Variants in TMC2 observed in about 807,000 individuals in gnomAD.
TMC2 encodes the protein transmembrane channel-like protein 2.
Under a neutral mutation model 105.9 loss-of-function variants are expected in TMC2, and 102 were observed. The observed-to-expected ratio is 0.96, with a 90% CI of 0.82 to 1.14. The LOEUF is 1.14. Ranked by LOEUF, TMC2 falls within the 50% of genes most tolerant of loss-of-function variation. The pLI is 0.00. For missense variants in TMC2, 1,093 were observed against 1,134.3 expected (o/e 0.96, Z 0.52); for synonymous variants, 402 against 422.8 (o/e 0.95, Z 0.60).
At chr20:2,561,812 C>A in intron 3 of TMC2, 46 bp from the exon 4 acceptor site, 1 of 1,590,108 alleles carries the variant, frequency 6.3e-7, no homozygotes, top group East Asian at 2.2e-5. Context: ...GAGGACACCA[C>A]CTCCTTTCCA....
At chr20:2,615,301 A>G (rs1321018834) in intron 14 of TMC2, among the ~76,000 whole-genome samples, 1 of 152,248 alleles carries the variant, frequency 6.6e-6, no homozygotes, top group Non-Finnish European at 1.5e-5. Context: ...AGCCTGGGCA[A>G]CAGAGCGAGA....
intron 6 of TMC2, 29 bp from the exon 7 acceptor site, chr20:2,579,921 C>T (rs773586054): frequency 6.6e-7 from 1 of 1,524,832 alleles, no homozygotes; most frequent in South Asian, 1.1e-5. Flanking sequence ...TTCTGCAGCA[C>T]TCATACCCAC....
intron 4 of TMC2, among the ~76,000 whole-genome samples, chr20:2,569,209 C>T (rs879268978): frequency 2.7e-4 from 41 of 152,336 alleles, no homozygotes; most frequent in Admixed American, 4.6e-4. Flanking sequence ...AGTTTAACAA[C>T]TGGTTGGCCA....
intron 2 of TMC2, among the ~76,000 whole-genome samples, chr20:2,543,666 A>G (rs892945836): frequency 7.2e-5 from 11 of 152,210 alleles, no homozygotes; most frequent in African/African-American, 2.7e-4. Context: ...AAGTCATCTT[A>G]ATACAGACAC....
intron 2 of TMC2, among the ~76,000 whole-genome samples, chr20:2,547,345 A>G (rs6138368): frequency 0.29 from 43,736 of 152,086 alleles, 7,041 homozygotes; most frequent in Admixed American, 0.4. Context: ...GCAGAGCACC[A>G]CCAGGACTCT....
chr20:2,539,353 C>A (rs1423465790), intron 2 of TMC2, among the ~76,000 whole-genome samples: 1 of 152,128 alleles, frequency 6.6e-6, no homozygotes, highest in Non-Finnish European at 1.5e-5. Context: ...GAATTTCGTT[C>A]AGTTGGAGAA....
At chr20:2,622,721 A>G (rs2086534475) in intron 16 of TMC2, among the ~76,000 whole-genome samples, 1 of 152,042 alleles carries the variant, frequency 6.6e-6, no homozygotes, top group African/African-American at 2.4e-5. Context: ...AAGAAAAAGA[A>G]AACAGGTAAC....
Position 2,624,356 on chromosome 20 carries a change from G to C in TMC2, c.2266G>C (p.Ala756Pro). ...TFLGKIFAFLANPGLIIPAIL... is the reference protein window; with the variant it reads ...TFLGKIFAFLPNPGLIIPAIL... Reference sequence around the variant, plus strand: ...CCTGGGCAAGATCTTTGCTTTCCTCGCCAATCCAGGCCTGATCATCCCAGC... The same window carrying C: ...CCTGGGCAAGATCTTTGCTTTCCTCCCCAATCCAGGCCTGATCATCCCAGC... Residue 756 changes from alanine to proline, a missense_variant, in exon 17 of 20, where the codon GCC becomes CCC. Ala to Pro is a conservative substitution (Grantham distance 27). Transcript: ENST00000358864. The C allele has an allele frequency of 6.2e-7, 1 of 1,613,952 alleles. No individual in the cohort carries two copies. The highest frequency in any genetic ancestry group is 8.5e-7 in the Non-Finnish European group (1 of 1,179,968).
chr20:2,614,646 CAT>C (rs1273279285), intron 14 of TMC2, among the ~76,000 whole-genome samples: 2 of 151,996 alleles, frequency 1.3e-5, no homozygotes, highest in South Asian at 2.1e-4. Context: ...AATACTAAAA[CAT>C]ATGATAAAGC....
rs78839207 is a variant in TMC2 at position 2,641,421 on chromosome 20, C to A, written c.*70C>A. On this transcript the variant is annotated 3_prime_UTR_variant, in exon 20 of 20. Transcript: ENST00000358864. ...GTACCCCAGTTTCACACATACCAAA[C>A]CAAGGTTCTCTCCCCTCTTTCCTCT... The A allele has an allele frequency of 2.6e-3, 2,419 of 926,690 alleles. 41 individuals are homozygous for A. In the African/African-American group the frequency reaches 0.036, roughly 14 times the overall value. 57.4% of individuals were successfully genotyped at this position (926,690 alleles called of 1,614,324 possible). A position where few individuals can be genotyped will look rare whatever the true frequency, so the allele number is the denominator to read the frequency against.
Position 2,612,335 on chromosome 20 carries a change from G to T in TMC2, c.1738G>T (p.Gly580Cys). ...GGGTTCTTGCTGGGAGACAGCTGTG[G>T]GCATTGTGAGTAGTTACACTCTCTA... ...PRGSCWETAV[G>C]IEFMRLTVSD... The change falls in exon 13 of 20, where the codon GGC becomes TGC. Residue 580 changes from glycine to cysteine, a missense_variant. By Grantham distance (159) the Gly-to-Cys change is radical. Transcript: ENST00000358864. The T allele has an allele frequency of 6.4e-7, 1 of 1,570,602 alleles. No individual in the cohort carries two copies. The highest frequency in any genetic ancestry group is 8.7e-7 in the Non-Finnish European group (1 of 1,150,870).
chr20:2,628,739 A>C (rs4571132), intron 17 of TMC2, among the ~76,000 whole-genome samples: 4 of 152,092 alleles, frequency 2.6e-5, no homozygotes, highest in African/African-American at 9.7e-5. Context: ...CATGCTGAAC[A>C]GTGAGTCAAT....
chr20:2,641,174 C>T lies in TMC2; in HGVS notation c.2544C>T (p.Asp848=), dbSNP rs778703223. 1.2e-6 allele frequency: 2 copies of T among 1,613,922 alleles called. No homozygotes were observed. Among genetic ancestry groups the T allele is most frequent in the African/African-American group, 1.3e-5 (1 of 74,786 alleles). Residue 848 remains aspartate, a synonymous_variant, in exon 20 of 20, where the codon GAC becomes GAT. Coordinates refer to ENST00000358864, the MANE Select transcript of TMC2 (RefSeq NM_080751.3). ...PPSASQSQAM[D]KKAQGPGTSN... is the part of the protein sequence containing the mutation. ...CTGCCAGCCAAAGCCAGGCCATGGA[C>T]AAGAAGGCGCAGGGCCCTGGGACCT...
At chr20:2,543,903 G>GA (rs3051735) in intron 2 of TMC2, among the ~76,000 whole-genome samples, 21,014 of 144,074 alleles carry the variant, frequency 0.15, 2,013 homozygotes, top group African/African-American at 0.24. Context: ...CTGCATGTCA[G>GA]TTTTTTTTTT....
At chr20:2,595,626 C>T (rs11698357) in intron 9 of TMC2, among the ~76,000 whole-genome samples, 36,777 of 152,080 alleles carry the variant, frequency 0.24, 4,653 homozygotes, top group Middle Eastern at 0.33. Flanking sequence ...ATGGATTGAT[C>T]GCCTTCTTCA....
chr20:2,613,661 G>C (rs1222663597), intron 14 of TMC2: 1 of 334,840 alleles, frequency 3.0e-6, no homozygotes, highest in African/African-American at 2.2e-5. Context: ...TATGGGGGCT[G>C]AAATCTGACA....
At chr20:2,603,889 G>T (rs1240278767) in intron 11 of TMC2, among the ~76,000 whole-genome samples, 1 of 151,840 alleles carries the variant, frequency 6.6e-6, no homozygotes, top group Admixed American at 6.5e-5. Flanking sequence ...GCCTTGATGT[G>T]CTGACTCTGT....
chr20:2,614,583 A>T (rs1002345473), intron 14 of TMC2, among the ~76,000 whole-genome samples: 7 of 152,294 alleles, frequency 4.6e-5, no homozygotes, highest in African/African-American at 1.7e-4. Context: ...CCTGTCTCAA[A>T]AAGTATATAA....
intron 12 of TMC2, among the ~76,000 whole-genome samples, chr20:2,611,569 T>C (rs2086438453): frequency 6.6e-6 from 1 of 152,168 alleles, no homozygotes; most frequent in African/African-American, 2.4e-5. Context: ...AAGTCTTCTG[T>C]GGCCCCCATT....
Sources: gnomAD v4.1 joint callset for allele counts (sites outside exome capture counted in the v4.1 genomes callset) on GRCh38, gnomAD v4.1.1 for gene constraint, MANE v1.5 for transcripts, NCBI Gene and HGNC (gene_info 2026-07-23, HGNC 2026-07-21) for gene names.